NIBAN1: variants seen among roughly 807,000 people sequenced by gnomAD.
NIBAN1 encodes niban apoptosis regulator 1, also known as protein Niban 1.
In NIBAN1, 81 loss-of-function variants were observed where a neutral mutation model predicts 75.1. The ratio of observed to expected loss-of-function variants is 1.08; its 90% CI spans 0.90 to 1.30. The LOEUF (loss-of-function observed/expected upper bound fraction) is 1.30. Ranked by LOEUF, NIBAN1 falls within the 50% of genes most tolerant of loss-of-function variation. NIBAN1 has a pLI of 0.00. For missense variants in NIBAN1, 1,133 were observed against 1,128.1 expected (o/e 1.00, Z -0.06); for synonymous variants, 436 against 424.8 (o/e 1.03, Z -0.32).
At chr1:184,928,659 C>A (rs960834576) in intron 1 of NIBAN1, among the ~76,000 whole-genome samples, 1 of 152,142 alleles carries the variant, frequency 6.6e-6, no homozygotes, top group African/African-American at 2.4e-5. Context: ...CTCCCCCAAG[C>A]ATACAGATTC....
At chr1:184,958,348 T>C (rs1658541556) in intron 1 of NIBAN1, among the ~76,000 whole-genome samples, 1 of 143,228 alleles carries the variant, frequency 7.0e-6, no homozygotes, top group Non-Finnish European at 1.5e-5. Flanking sequence ...GCACTCCAGC[T>C]TGTGTGACAG....
intron 4 of NIBAN1, 85 bp from the exon 5 acceptor site, chr1:184,884,885 T>C: frequency 1.3e-6 from 2 of 1,486,322 alleles, no homozygotes; most frequent in Non-Finnish European, 1.8e-6. Flanking sequence ...AGGGTGACTA[T>C]CTGGGGCAGG....
At position 184,795,183 on chromosome 1, in the gene NIBAN1, C is replaced by G. The variant is rs759725520; in HGVS notation, c.2581G>C (p.Glu861Gln). 4.3e-6 allele frequency: 7 copies of G among 1,614,058 alleles called. No individual in the cohort carries two copies. Among genetic ancestry groups the G allele is most frequent in the Non-Finnish European group, 5.9e-6 (7 of 1,180,054 alleles). The change falls in exon 14 of 14, where the codon GAA (glutamate) becomes CAA (glutamine). Residue 861 changes from glutamate (E) to glutamine (Q), a missense_variant. Coordinates refer to ENST00000367511, the MANE Select transcript of NIBAN1 (RefSeq NM_052966.4). ...ICLSESQVSE[E>Q]QEEMGGQSSA... ...CTTTGCCCTCCCATCTCTTCTTGTT[C>G]CTCAGAAACCTGGCTCTCACTGAGG...
chr1:184,922,801 T>A (rs1241658404), intron 1 of NIBAN1, among the ~76,000 whole-genome samples: 1 of 152,198 alleles, frequency 6.6e-6, no homozygotes, highest in Non-Finnish European at 1.5e-5. Context: ...GAGACAGGGT[T>A]TCACCATGTG....
chr1:184,887,153 G>C (rs1178805723), intron 4 of NIBAN1, among the ~76,000 whole-genome samples: 1 of 152,004 alleles, frequency 6.6e-6, no homozygotes, highest in Non-Finnish European at 1.5e-5. Flanking sequence ...AATCCGTATT[G>C]GTTTAAATAA....
intron 3 of NIBAN1, among the ~76,000 whole-genome samples, chr1:184,890,944 C>T (rs1041140273): frequency 1.1e-4 from 17 of 152,084 alleles, no homozygotes; most frequent in African/African-American, 3.4e-4. Flanking sequence ...GTGCATCTGA[C>T]GGGAGGGCTT....
At position 184,897,295 on chromosome 1, in the gene NIBAN1, T is replaced by C. The variant is rs965556587; in HGVS notation, c.186+1884A>G. Reference sequence around the variant, plus strand: ...ACTCCTAAGTGTGTGTGTGTGTGTGTGTGTGTGTGTGTGTGTGTGTGTGGT... The same window carrying C: ...ACTCCTAAGTGTGTGTGTGTGTGTGCGTGTGTGTGTGTGTGTGTGTGTGGT... On this transcript the variant is annotated intron_variant, in intron 2 of 13. Transcript: ENST00000367511. Among the ~76,000 whole-genome samples the C allele has an allele frequency of 1.8e-4, 28 of 151,700 alleles. 1 individual carries two copies. The South Asian group carries it at 4.2e-3, about 23-fold the overall frequency.
chr1:184,960,654 G>C (rs954730709), intron 1 of NIBAN1, among the ~76,000 whole-genome samples: 1 of 37,924 alleles, frequency 2.6e-5, no homozygotes, highest in African/African-American at 1.1e-4. Flanking sequence ...TTGAGACGGA[G>C]TCTACTCTAT....
intron 1 of NIBAN1, among the ~76,000 whole-genome samples, chr1:184,906,605 G>A (rs1235832385): frequency 3.9e-5 from 6 of 152,034 alleles, no homozygotes; most frequent in African/African-American, 1.4e-4. Context: ...ACTGTAGCCT[G>A]GGTAACAAGA....
At chr1:184,872,176 T>C (rs1656125490) in intron 5 of NIBAN1, among the ~76,000 whole-genome samples, 2 of 152,086 alleles carry the variant, frequency 1.3e-5, no homozygotes, top group South Asian at 4.1e-4. Context: ...TTTAAAAATA[T>C]TTTTAAAAAT....
intron 2 of NIBAN1, among the ~76,000 whole-genome samples, chr1:184,898,180 G>A (rs1656854372): frequency 6.6e-6 from 1 of 152,122 alleles, no homozygotes; most frequent in Non-Finnish European, 1.5e-5. Context: ...CCTTCCCTCT[G>A]TGTGGCAGGG....
In NIBAN1 at chr1:184,823,754, A is replaced by G; in HGVS notation, c.718-12T>C. 1 of 1,613,314 alleles carries G rather than the reference A, an allele frequency of 6.2e-7. No individual in the cohort carries two copies. Among genetic ancestry groups the G allele is most frequent in the Non-Finnish European group, 8.5e-7 (1 of 1,179,320 alleles). On this transcript the variant is annotated splice_polypyrimidine_tract_variant and intron_variant, in intron 6 of 13. Coordinates refer to ENST00000367511, the MANE Select transcript of NIBAN1 (RefSeq NM_052966.4). ...AGGTTACTCAGGATCTGCGCAGCAG[A>G]AGACAGCCCAGAGTCGGTCAGTCGG...
intron 8 of NIBAN1, among the ~76,000 whole-genome samples, chr1:184,820,436 C>G (rs1436819565): frequency 6.6e-6 from 1 of 152,220 alleles, no homozygotes; most frequent in African/African-American, 2.4e-5. Flanking sequence ...ACCTTGCCTT[C>G]CTTCCTCTAC....
intron 6 of NIBAN1, 145 bp from the exon 7 acceptor site, chr1:184,823,887 G>T: frequency 1.7e-6 from 1 of 599,874 alleles, no homozygotes; most frequent in Non-Finnish European, 3.0e-6. Context: ...CTACTACAGA[G>T]GCCACAGAAA....
intron 1 of NIBAN1, among the ~76,000 whole-genome samples, chr1:184,907,818 T>A (rs1226031436): frequency 6.6e-6 from 1 of 152,212 alleles, no homozygotes; most frequent in Non-Finnish European, 1.5e-5. Context: ...CAGTCTCTCC[T>A]AGGAAAAGGC....
At chr1:184,853,456 A>C (rs575192341) in intron 5 of NIBAN1, among the ~76,000 whole-genome samples, 1 of 152,238 alleles carries the variant, frequency 6.6e-6, no homozygotes, top group Non-Finnish European at 1.5e-5. Flanking sequence ...ACTGATGTTA[A>C]GGAAGCTTAA....
chr1:184,820,739 C>T (rs992580091), intron 8 of NIBAN1, among the ~76,000 whole-genome samples: 3 of 152,248 alleles, frequency 2.0e-5, no homozygotes, highest in African/African-American at 7.2e-5. Context: ...GGGTTTGGAG[C>T]CCGACTCTAC....
At chr1:184,954,022 G>A (rs1658423164) in intron 1 of NIBAN1, among the ~76,000 whole-genome samples, 1 of 152,124 alleles carries the variant, frequency 6.6e-6, no homozygotes, top group Non-Finnish European at 1.5e-5. Flanking sequence ...ATTCCTAAGG[G>A]GGAAAGATTA....
chr1:184,857,137 A>G (rs905505464), intron 5 of NIBAN1, among the ~76,000 whole-genome samples: 1 of 152,254 alleles, frequency 6.6e-6, no homozygotes, highest in Non-Finnish European at 1.5e-5. Context: ...CTATGTGGTT[A>G]TAAAGCCTTC....
Sources: gnomAD v4.1 joint callset for allele counts (sites outside exome capture counted in the v4.1 genomes callset) on GRCh38, gnomAD v4.1.1 for gene constraint, MANE v1.5 for transcripts, NCBI Gene and HGNC (gene_info 2026-07-23, HGNC 2026-07-21) for gene names.